FHIT: variants seen among roughly 807,000 people sequenced by gnomAD.
FHIT encodes bis(5'-adenosyl)-triphosphatase.
FHIT carries 19 observed loss-of-function variants against 17.9 expected under a neutral mutation model. The observed-to-expected ratio is 1.06, with a 90% CI of 0.74 to 1.56. The LOEUF (loss-of-function observed/expected upper bound fraction) is 1.56, where lower values mean the gene tolerates loss of function less well. Among genes scored for constraint, FHIT ranks in the 40% most tolerant of loss-of-function variants. The probability of loss-of-function intolerance (pLI) is 0.00; values close to 1 mark genes in which losing one functional copy is unlikely to be tolerated. For missense variants in FHIT, 248 were observed against 189.2 expected (o/e 1.31, Z -1.82); for synonymous variants, 81 against 69.7 (o/e 1.16, Z -0.81).
At chr3:61,187,015 C>A (rs547044706) in intron 2 of FHIT, among the ~76,000 whole-genome samples, 1 of 152,298 alleles carries the variant, frequency 6.6e-6, no homozygotes, top group Admixed American at 6.5e-5. Context: ...TAGTTCTGAT[C>A]TGTCTCCTTC....
intron 8 of FHIT, among the ~76,000 whole-genome samples, chr3:59,904,346 C>T (rs772669224): frequency 6.7e-5 from 10 of 149,182 alleles, no homozygotes; most frequent in Admixed American, 4.0e-4. Context: ...CAGGAAGGAG[C>T]GAGGGAAGGT....
chr3:59,803,982 A>G lies in FHIT; in HGVS notation c.349-51661T>C, dbSNP rs540725315. Among the ~76,000 whole-genome samples the G allele has an allele frequency of 3.9e-5, 6 of 152,354 alleles. No homozygotes were observed. The South Asian group carries it at 1.2e-3, about 32-fold the overall frequency. The stretch of plus-strand genomic sequence containing the variant: ...AAAAACTGCAATTACTTCTGCGCCA[A>G]CATAATACTTGGGGCCTGGTTCTCA... On this transcript the variant is annotated intron_variant, in intron 8 of 9. Coordinates refer to ENST00000492590, the MANE Select transcript of FHIT (RefSeq NM_002012.4).
At chr3:60,870,951 A>G (rs1188634194) in intron 3 of FHIT, among the ~76,000 whole-genome samples, 3 of 151,992 alleles carry the variant, frequency 2.0e-5, no homozygotes, top group African/African-American at 7.2e-5. Context: ...GTCAACATGG[A>G]CCCCTTGGAG....
intron 2 of FHIT, among the ~76,000 whole-genome samples, chr3:61,159,076 ATACT>A (rs1413114636): frequency 6.6e-6 from 1 of 152,224 alleles, no homozygotes; most frequent in Admixed American, 6.5e-5. Flanking sequence ...ATTCTAACAA[ATACT>A]TAATTTCTCT....
intron 4 of FHIT, among the ~76,000 whole-genome samples, chr3:60,780,064 G>A (rs1194581520): frequency 6.6e-6 from 1 of 152,142 alleles, no homozygotes; most frequent in African/African-American, 2.4e-5. Flanking sequence ...GATGGAAAGA[G>A]GATGCTCTTC....
At chr3:60,276,651 G>C (rs1161943078) in intron 5 of FHIT, among the ~76,000 whole-genome samples, 1 of 152,180 alleles carries the variant, frequency 6.6e-6, no homozygotes, top group African/African-American at 2.4e-5. Context: ...ACCTGAGACT[G>C]GGTAATTTTT....
intron 3 of FHIT, among the ~76,000 whole-genome samples, chr3:60,867,501 G>A (rs1704217055): frequency 6.6e-6 from 1 of 152,100 alleles, no homozygotes; most frequent in Non-Finnish European, 1.5e-5. Flanking sequence ...CTTTATGCAG[G>A]AACAAAGTCT....
At chr3:59,881,909 A>T (rs1227896522) in intron 8 of FHIT, among the ~76,000 whole-genome samples, 1 of 152,206 alleles carries the variant, frequency 6.6e-6, no homozygotes, top group Non-Finnish European at 1.5e-5. Flanking sequence ...CCAATAAATT[A>T]GATGAGGCAA....
At chr3:60,975,840 A>C (rs1318203503) in intron 3 of FHIT, among the ~76,000 whole-genome samples, 2 of 152,180 alleles carry the variant, frequency 1.3e-5, no homozygotes, top group African/African-American at 4.8e-5. Context: ...AGTAGCTTAC[A>C]AGTTGATATA....
At chr3:60,095,454 G>C (rs940240744) in intron 5 of FHIT, among the ~76,000 whole-genome samples, 12 of 152,074 alleles carry the variant, frequency 7.9e-5, no homozygotes, top group African/African-American at 2.9e-4. Flanking sequence ...CTTAAAATGC[G>C]ACTAAATATA....
chr3:60,095,869 T>C (rs931515895), intron 5 of FHIT, among the ~76,000 whole-genome samples: 7 of 152,224 alleles, frequency 4.6e-5, no homozygotes, highest in African/African-American at 1.7e-4. Flanking sequence ...AGAATATTAC[T>C]GAGCCACCAC....
intron 5 of FHIT, among the ~76,000 whole-genome samples, chr3:60,115,240 T>C (rs946287013): frequency 6.6e-6 from 1 of 152,018 alleles, no homozygotes; most frequent in South Asian, 2.1e-4. Context: ...AGTGAAAGAA[T>C]AGGGAGAATA....
chr3:60,999,152 TAAACTC>T (rs1040144213), intron 3 of FHIT, among the ~76,000 whole-genome samples: 28 of 152,022 alleles, frequency 1.8e-4, no homozygotes, highest in African/African-American at 6.5e-4. Context: ...ATTAAACAAA[TAAACTC>T]AGACTAGAGA....
At chr3:61,007,029 A>C (rs1252426898) in intron 3 of FHIT, among the ~76,000 whole-genome samples, 1 of 152,178 alleles carries the variant, frequency 6.6e-6, no homozygotes, top group Admixed American at 6.5e-5. Flanking sequence ...TGCCTCTTTC[A>C]TCTTGCTGTC....
At chr3:60,442,958 G>C (rs1183092860) in intron 5 of FHIT, among the ~76,000 whole-genome samples, 1 of 152,076 alleles carries the variant, frequency 6.6e-6, no homozygotes, top group South Asian at 2.1e-4. Flanking sequence ...TTGAGCAGTG[G>C]TGTGTAGTTC....
At chr3:60,493,153 A>G (rs2034139065) in intron 5 of FHIT, among the ~76,000 whole-genome samples, 1 of 152,166 alleles carries the variant, frequency 6.6e-6, no homozygotes, top group Non-Finnish European at 1.5e-5. Context: ...GAGGAGTAAA[A>G]GAAATAAGGG....
intron 4 of FHIT, among the ~76,000 whole-genome samples, chr3:60,744,263 C>CAAAAAAAAAA (rs1201886354): frequency 2.3e-5 from 2 of 85,986 alleles, no homozygotes; most frequent in African/African-American, 4.7e-5. Context: ...AAAAACAAAA[C>CAAAAAAAAAA]AAAACAAAAA....
At chr3:60,073,755 G>GA (rs540032330) in intron 5 of FHIT, among the ~76,000 whole-genome samples, 4 of 151,942 alleles carry the variant, frequency 2.6e-5, no homozygotes, top group African/African-American at 9.7e-5. Flanking sequence ...TGACTCACTG[G>GA]AAAAAATCAC....
At chr3:60,327,046 G>A (rs1249664119) in intron 5 of FHIT, among the ~76,000 whole-genome samples, 1 of 152,138 alleles carries the variant, frequency 6.6e-6, no homozygotes, top group Non-Finnish European at 1.5e-5. Flanking sequence ...TCCTCATGGA[G>A]GTCGTCCCCA....
Sources: allele counts gnomAD v4.1 joint callset (sites outside exome capture counted in the v4.1 genomes callset), GRCh38; gene constraint gnomAD v4.1.1; transcripts MANE v1.5; gene names NCBI Gene and HGNC (gene_info 2026-07-23, HGNC 2026-07-21).